Variants in PCNX3 observed in about 807,000 individuals in gnomAD.
PCNX3 encodes the protein pecanex-like protein 3.
In PCNX3, 58 loss-of-function variants were observed where a neutral mutation model predicts 207.2. That is an observed-to-expected ratio of 0.28 (90% CI 0.23 to 0.35). PCNX3 has a LOEUF of 0.35. Ranked by LOEUF, PCNX3 falls within the 10% of genes least tolerant of loss-of-function variation. The probability of loss-of-function intolerance (pLI) is 1.00; values close to 1 mark genes in which losing one functional copy is unlikely to be tolerated. For missense variants in PCNX3, 2,410 were observed against 2,774.4 expected (o/e 0.87, Z 2.95); for synonymous variants, 1,337 against 1,183.5 (o/e 1.13, Z -2.66).
chr11:65,621,102 C>T (rs1036192322), intron 10 of PCNX3, 136 bp downstream of exon 10: 15 of 1,172,980 alleles, frequency 1.3e-5, no homozygotes, highest in Non-Finnish European at 1.7e-5. Flanking sequence ...TCCAGGGGCC[C>T]TACTGTGTCT....
Position 65,617,615 on chromosome 11 carries a change from CAAG to C in PCNX3, c.487_489del (p.Lys163del). The C allele has an allele frequency of 6.2e-7, 1 of 1,611,838 alleles. No individual in the cohort carries two copies. Among genetic ancestry groups the C allele is most frequent in the Non-Finnish European group, 8.5e-7 (1 of 1,178,952 alleles). Reference sequence around the variant, plus strand: ...CCTCTGGGGCCATGGTTGCAGACATCAAGGAGCTGGTGCGGGAGCAGGGCAGCA... The same window carrying C: ...CCTCTGGGGCCATGGTTGCAGACATCGAGCTGGTGCGGGAGCAGGGCAGCA... On this transcript the variant is annotated inframe_deletion, in exon 5 of 35. Transcript: ENST00000355703.
chr11:65,629,924 GC>G (rs1250865275), intron 26 of PCNX3, among the ~76,000 whole-genome samples, 189 bp downstream of exon 26: 2 of 152,200 alleles, frequency 1.3e-5, no homozygotes, highest in African/African-American at 2.4e-5. Flanking sequence ...GGGTCTCTTG[GC>G]CAAGCCCTGT....
rs771435546 is a variant in PCNX3, at chr11:65,627,445, C to G, written c.3565C>G (p.Leu1189Val). The change falls in exon 22 of 35, where the codon CTG becomes GTG. Residue 1189 changes from leucine to valine, a missense_variant. Transcript: ENST00000355703. ...GATGACCGTGGCTGGGCTGAAGCTG[C>G]TGCGCTCAGCCTTCTGCTGCCCCCC... ...LLMTVAGLKL[L>V]RSAFCCPPQQ... is the part of the protein sequence containing the mutation. The G allele has an allele frequency of 5.0e-6, 8 of 1,612,776 alleles. No individual in the cohort carries two copies. In the Admixed American group the frequency reaches 1.0e-4, roughly 20 times the overall value.
At chr11:65,621,622 C>T (rs926654690) in intron 10 of PCNX3, among the ~76,000 whole-genome samples, 6 of 152,194 alleles carry the variant, frequency 3.9e-5, no homozygotes, top group East Asian at 1.9e-4. Context: ...GGGGTGGAAG[C>T]GTGGCCGGCG....
intron 24 of PCNX3, 39 bp from the exon 25 acceptor site, chr11:65,629,318 C>A: frequency 6.3e-7 from 1 of 1,592,210 alleles, no homozygotes; most frequent in Non-Finnish European, 8.6e-7. Flanking sequence ...CTCTCTTCAC[C>A]TTCTTGGCCA....
intron 10 of PCNX3, among the ~76,000 whole-genome samples, chr11:65,621,598 C>T (rs947118161): frequency 6.6e-6 from 1 of 152,250 alleles, no homozygotes. Flanking sequence ...TTCATTTCTT[C>T]CTTGTAACCA....
chr11:65,623,014 A>T (rs1151490), intron 11 of PCNX3, among the ~76,000 whole-genome samples: 120 of 152,040 alleles, frequency 7.9e-4, no homozygotes, highest in African/African-American at 2.9e-3. Context: ...GAGGGGACAC[A>T]GAGTCCCAGA....
Position 65,616,046 on chromosome 11 carries a change from C to G in PCNX3, c.-266C>G, listed in dbSNP as rs952233337. On this transcript the variant is annotated 5_prime_UTR_variant, in exon 1 of 35. Transcript: ENST00000355703. ...TGCCTGCCGGCTCGGCCCCTCGGAG[C>G]AATTCTGGGCCAGGAGTGGGGACCC... 2.0e-4 allele frequency: 57 copies of G among 282,780 alleles called. No homozygotes were observed. In the Middle Eastern group the frequency reaches 5.0e-3, roughly 25 times the overall value. 17.5% of individuals were successfully genotyped at this position (282,780 alleles called of 1,614,324 possible).
At position 65,619,673 on chromosome 11, in the gene PCNX3, C is replaced by T. The variant is rs1297974063; in HGVS notation, c.1829+13C>T. 1 of 1,589,650 alleles carries T rather than the reference C, an allele frequency of 6.3e-7. No homozygotes were observed. The highest frequency in any genetic ancestry group is 1.7e-4 in the Middle Eastern group (1 of 6,044). On this transcript the variant is annotated intron_variant, in intron 7 of 34. Transcript: ENST00000355703. ...GCTCGCCGCCCAGGTGAGCACCTTG[C>T]CAGCTGTGCCGAGGGGCACCGGGGG...
intron 4 of PCNX3, 21 bp from the exon 5 acceptor site, chr11:65,617,590 C>T (rs371556961): frequency 3.8e-5 from 61 of 1,613,222 alleles, no homozygotes; most frequent in Non-Finnish European, 4.6e-5. Context: ...CCTGCTGACA[C>T]CTCTGGGGCC....
Position 65,626,003 on chromosome 11 carries a change from C to T in PCNX3, c.3328C>T (p.Leu1110=), listed in dbSNP as rs1362477225. The change falls in exon 20 of 35, where the codon CTG becomes TTG. Residue 1110 remains leucine (L), a synonymous_variant. Transcript: ENST00000355703. ...CCGCAAACAGCTGCCCTGGTTCTGC[C>T]TGTCACAGCCCGTGCTGAAGCCGCT... is the stretch of plus-strand genomic sequence containing the variant. ...QLRKQLPWFC[L]SQPVLKPLEY... is the part of the protein sequence containing the mutation. 4 of 1,613,290 alleles carry T rather than the reference C, an allele frequency of 2.5e-6. No individual in the cohort carries two copies. Among genetic ancestry groups the T allele is most frequent in the Non-Finnish European group, 3.4e-6 (4 of 1,179,742 alleles).
rs760956239 is a variant in PCNX3, at chr11:65,618,075, G to C, written c.713G>C (p.Ser238Thr). ...AGCAGCATGGCTGACACTCCCATGA[G>C]CCCCCTGCTGAAGGGGAGCCTCAGC... ...SGSSMADTPMSPLLKGSLSQE... is the reference protein window; with the variant it reads ...SGSSMADTPMTPLLKGSLSQE... Residue 238 changes from serine to threonine, a missense_variant, in exon 6 of 35, where the codon AGC becomes ACC. Ser to Thr is a moderately conservative substitution (Grantham distance 58, BLOSUM62 1). Transcript: ENST00000355703. 6.2e-7 allele frequency: 1 copy of C among 1,607,870 alleles called. No homozygotes were observed. The highest frequency in any genetic ancestry group is 8.5e-7 in the Non-Finnish European group (1 of 1,177,728).
rs188134361 is a variant in PCNX3, at chr11:65,618,277, T to C, written c.915T>C (p.Thr305=). 6.2e-7 allele frequency: 1 copy of C among 1,610,086 alleles called. No individual in the cohort carries two copies. The highest frequency in any genetic ancestry group is 2.2e-5 in the East Asian group (1 of 44,774). Residue 305 remains threonine (T), a synonymous_variant, in exon 6 of 35, where the codon ACT becomes ACC. Transcript: ENST00000355703. The part of the protein sequence containing the change: ...AGSSDSCFSG[T]DRETLSSFKS... ...CCTCAGACTCCTGCTTCAGCGGCAC[T>C]GACAGGGAGACATTGAGCAGCTTCA...
rs1854980523 is a variant in PCNX3, at chr11:65,619,751, C to T, written c.1830-3C>T. On this transcript the variant is annotated splice_polypyrimidine_tract_variant and splice_region_variant and intron_variant, in intron 7 of 34. Coordinates refer to ENST00000355703, the MANE Select transcript of PCNX3 (RefSeq NM_032223.4). ...GCGCTGACCTGGGGCTGACCCTCTC[C>T]AGCAGCCTGCAGGAAGCTCAGCGGG... 3 of 1,564,852 alleles carry T rather than the reference C, an allele frequency of 1.9e-6. No homozygotes were observed. The highest frequency in any genetic ancestry group is 2.7e-5 in the African/African-American group (2 of 74,266).
At chr11:65,619,121 G>A in intron 6 of PCNX3, 54 bp downstream of exon 6, 1 of 1,431,418 alleles carries the variant, frequency 7.0e-7, no homozygotes, top group South Asian at 1.3e-5. Flanking sequence ...CGGGCTTGGG[G>A]TTGGGCAAAG....
rs1042367541 is a variant in PCNX3 at position 65,636,228 on chromosome 11, A to G, written c.5514A>G (p.Ser1838=). The G allele has an allele frequency of 2.0e-5, 32 of 1,581,798 alleles. No individual in the cohort carries two copies. Among genetic ancestry groups the G allele is most frequent in the Non-Finnish European group, 2.7e-5 (31 of 1,163,798 alleles). The change falls in exon 33 of 35, where the codon TCA becomes TCG. Residue 1838 remains serine (S), a synonymous_variant. Coordinates refer to ENST00000355703, the MANE Select transcript of PCNX3 (RefSeq NM_032223.4). ...ATAGTGGCGGGAACGTGGATGATTC[A>G]GACTGTAGTGGGGGCGGTGGCCTGA... The part of the protein sequence containing the change: ...GCNSGGNVDD[S]DCSGGGGLTS...
chr11:65,626,355 A>G (rs1323236255), intron 20 of PCNX3: 2 of 585,792 alleles, frequency 3.4e-6, no homozygotes, highest in Non-Finnish European at 6.4e-6. Flanking sequence ...TCTCTTGTCC[A>G]GAATTAAACA....
intron 8 of PCNX3, 100 bp downstream of exon 8, chr11:65,620,032 C>A: frequency 8.0e-7 from 1 of 1,245,320 alleles, no homozygotes. Flanking sequence ...GTGGCAGGTA[C>A]ACTGCTAATG....
Position 65,618,261 on chromosome 11 carries a change from C to CCTG in PCNX3, c.902_904dup (p.Cys301dup). The CCTG allele has an allele frequency of 6.2e-7, 1 of 1,610,262 alleles. No individual in the cohort carries two copies. The highest frequency in any genetic ancestry group is 8.5e-7 in the Non-Finnish European group (1 of 1,178,180). ...CCCCAGAAAGCCGGCTCCTCAGACT[C>CCTG]CTGCTTCAGCGGCACTGACAGGGAG... On this transcript the variant is annotated inframe_insertion, in exon 6 of 35. Coordinates refer to ENST00000355703, the MANE Select transcript of PCNX3 (RefSeq NM_032223.4).
Sources: gnomAD v4.1 joint callset for allele counts (sites outside exome capture counted in the v4.1 genomes callset) on GRCh38, gnomAD v4.1.1 for gene constraint, MANE v1.5 for transcripts, NCBI Gene and HGNC (gene_info 2026-07-23, HGNC 2026-07-21) for gene names.